PLEKHH2: variants seen among roughly 807,000 people sequenced by gnomAD.
The protein encoded by PLEKHH2 is pleckstrin homology domain-containing family H member 2.
A neutral mutation model predicts 187.9 loss-of-function variants in PLEKHH2; 129 were observed. That is an observed-to-expected ratio of 0.69 (90% CI 0.59 to 0.79). The LOEUF (loss-of-function observed/expected upper bound fraction) is 0.79, where lower values mean the gene tolerates loss of function less well. Ranked by LOEUF, PLEKHH2 falls within the 30% of genes least tolerant of loss-of-function variation. The pLI, the probability that PLEKHH2 is intolerant of heterozygous loss-of-function variation, is 0.00. For missense variants in PLEKHH2, 2,076 were observed against 1,751.2 expected (o/e 1.19, Z -3.31); for synonymous variants, 686 against 605.6 (o/e 1.13, Z -1.95).
At position 43,694,438 on chromosome 2, in the gene PLEKHH2, T is replaced by C; in HGVS notation, c.344T>C (p.Ile115Thr). The change falls in exon 5 of 30, where the codon ATA becomes ACA. Residue 115 changes from isoleucine to threonine, a missense_variant. Physicochemically the swap from Ile to Thr is moderately conservative, Grantham distance 89 (BLOSUM62 -1). Transcript: ENST00000282406. ...LELQLEEQKQ[I>T]RIQEAKIIEE... The stretch of plus-strand genomic sequence containing the variant: ...TTGCTATTGTTATTTCAGAAACAAA[T>C]AAGAATACAAGAAGCTAAAATAATA... 2 of 1,556,396 alleles carry C rather than the reference T, an allele frequency of 1.3e-6. No homozygotes were observed. The highest frequency in any genetic ancestry group is 1.7e-6 in the Non-Finnish European group (2 of 1,145,106).
intron 6 of PLEKHH2, 100 bp from the exon 7 acceptor site, chr2:43,697,071 C>T: frequency 1.0e-6 from 1 of 962,152 alleles, no homozygotes; most frequent in Non-Finnish European, 1.5e-6. Context: ...TTTTTTCTGG[C>T]ATAAAGAGTG....
intron 20 of PLEKHH2, 45 bp downstream of exon 20, chr2:43,738,565 T>C: frequency 6.7e-7 from 1 of 1,502,198 alleles, no homozygotes; most frequent in Non-Finnish European, 9.0e-7. Flanking sequence ...TAAAGTGTTT[T>C]TTTTTCTGAT....
chr2:43,716,167 G>A (rs116776252), intron 15 of PLEKHH2, among the ~76,000 whole-genome samples: 2,390 of 152,094 alleles, frequency 0.016, 21 homozygotes, highest in Non-Finnish European at 0.024. Flanking sequence ...TTTTTAGGGT[G>A]GAAAAGATGT....
chr2:43,653,563 G>A (rs150311877), intron 2 of PLEKHH2, among the ~76,000 whole-genome samples: 2 of 152,316 alleles, frequency 1.3e-5, no homozygotes, highest in African/African-American at 4.8e-5. Context: ...AACCAAGAAC[G>A]AGGAAGGCAT....
At chr2:43,764,107 TTTTG>T in intron 28 of PLEKHH2, 117 bp from the exon 29 acceptor site, 1 of 556,612 alleles carries the variant, frequency 1.8e-6, no homozygotes, top group Non-Finnish European at 2.8e-6. Context: ...TAGAAAATAA[TTTTG>T]TATTATACCA....
At chr2:43,690,992 A>T (rs528360639) in intron 3 of PLEKHH2, among the ~76,000 whole-genome samples, 8 of 152,364 alleles carry the variant, frequency 5.3e-5, no homozygotes, top group Non-Finnish European at 1.0e-4. Context: ...CAATATGCAG[A>T]TATGCCTTTC....
Position 43,726,234 on chromosome 2 carries a change from G to T in PLEKHH2, c.2542-38G>T, listed in dbSNP as rs1452590348. 4 of 1,428,004 alleles carry T rather than the reference G, an allele frequency of 2.8e-6. No individual in the cohort carries two copies. The African/African-American group carries it at 5.7e-5, about 20-fold the overall frequency. 88.5% of individuals were successfully genotyped at this position (1,428,004 alleles called of 1,614,324 possible). A position where few individuals can be genotyped will look rare whatever the true frequency, so the allele number is the denominator to read the frequency against. On this transcript the variant is annotated intron_variant, in intron 16 of 29. Transcript: ENST00000282406. ...AAATGTTTTAGTAGGAAAAGATTTA[G>T]AAAATGCCTTCCTCACAATTACTAA... is the stretch of plus-strand genomic sequence containing the variant.
Position 43,704,056 on chromosome 2 carries a change from A to G in PLEKHH2, c.1726A>G (p.Asn576Asp). The G allele has an allele frequency of 3.1e-6, 5 of 1,590,992 alleles. No homozygotes were observed. The highest frequency in any genetic ancestry group is 4.3e-6 in the Non-Finnish European group (5 of 1,160,742). ...EAFNMESVNK[N>D]SAATLSYTTS... The stretch of plus-strand genomic sequence containing the variant: ...CTTCAATATGGAGAGTGTTAATAAA[A>G]GTAAGTGCTTTTTCATGCTGCCACC... Residue 576 changes from asparagine (N) to aspartate (D), a missense_variant and splice_region_variant, in exon 9 of 30, where the codon AAT becomes GAT. By Grantham distance (23) the Asn-to-Asp change is conservative (BLOSUM62 1). Transcript: ENST00000282406.
In PLEKHH2 at chr2:43,707,403, G is replaced by T; in HGVS notation, c.1824G>T (p.Lys608Asn). The change falls in exon 11 of 30, where the codon AAG becomes AAT. Residue 608 changes from lysine (K) to asparagine (N), a missense_variant and splice_region_variant. Coordinates refer to ENST00000282406, the MANE Select transcript of PLEKHH2 (RefSeq NM_172069.4). The stretch of plus-strand genomic sequence containing the variant: ...GAGGTTGTTCCACTTTTCTTTAGAA[G>T]GCGACCCAAATAAGTAGCAGCCCTT... ...TTPVYTTLKG[K>N]ATQISSSPFL... is the part of the protein sequence containing the mutation. 6.2e-7 allele frequency: 1 copy of T among 1,613,928 alleles called. No individual in the cohort carries two copies. Among genetic ancestry groups the T allele is most frequent in the Non-Finnish European group, 8.5e-7 (1 of 1,179,958 alleles).
At chr2:43,658,929 T>C (rs1268527241) in intron 2 of PLEKHH2, 2 of 151,960 alleles carry the variant, frequency 1.3e-5, no homozygotes, top group Admixed American at 1.3e-4. Context: ...GTTTTTTCTT[T>C]CAGTGACTAT....
intron 9 of PLEKHH2, among the ~76,000 whole-genome samples, chr2:43,704,573 G>A (rs1338814615): frequency 6.6e-6 from 1 of 151,134 alleles, no homozygotes. Context: ...TGAGGCAGGA[G>A]GATGGCGTGA....
In PLEKHH2 at chr2:43,745,929, G is replaced by A; in HGVS notation, c.3619G>A (p.Gly1207Ser). ...SKEQQPGKCE[G>S]TRTVRLTYKN... The stretch of plus-strand genomic sequence containing the variant: ...AGAACAGCAGCCTGGAAAATGTGAA[G>A]GTACAAGGACTGTTCGTCTGACATA... Residue 1207 changes from glycine to serine, a missense_variant, in exon 24 of 30, where the codon GGT becomes AGT. Transcript: ENST00000282406. 1.9e-6 allele frequency: 3 copies of A among 1,612,862 alleles called. No homozygotes were observed. The highest frequency in any genetic ancestry group is 2.7e-5 in the African/African-American group (2 of 74,984).
At chr2:43,733,957 C>G (rs758694917) in intron 19 of PLEKHH2, among the ~76,000 whole-genome samples, 13 of 152,012 alleles carry the variant, frequency 8.6e-5, no homozygotes, top group Non-Finnish European at 1.9e-4. Flanking sequence ...ATATAAATGA[C>G]CAAAATTGAT....
chr2:43,730,283 T>C (rs1415257206), intron 18 of PLEKHH2, among the ~76,000 whole-genome samples: 1 of 152,218 alleles, frequency 6.6e-6, no homozygotes, highest in Non-Finnish European at 1.5e-5. Flanking sequence ...GTTTTTAAGC[T>C]CATCAGCTAT....
At chr2:43,685,878 A>G (rs1288828305) in intron 3 of PLEKHH2, among the ~76,000 whole-genome samples, 1 of 152,244 alleles carries the variant, frequency 6.6e-6, no homozygotes, top group East Asian at 1.9e-4. Context: ...GACATATGGG[A>G]TTCATTCCCA....
rs372873953 is a variant in PLEKHH2, at chr2:43,710,364, T to C, written c.2214+34T>C. The C allele has an allele frequency of 1.7e-5, 27 of 1,599,714 alleles. No individual in the cohort carries two copies. In the African/African-American group the frequency reaches 3.5e-4, roughly 21 times the overall value. ...AAAGTGTTTTCTGTTTAGAACGTAA[T>C]TCCTCAAACTATAAATCAGACGCCT... On this transcript the variant is annotated intron_variant, in intron 13 of 29. Coordinates refer to ENST00000282406, the MANE Select transcript of PLEKHH2 (RefSeq NM_172069.4).
In PLEKHH2 at chr2:43,700,293, T is replaced by A; in HGVS notation, c.1335T>A (p.Asn445Lys). The change falls in exon 8 of 30, where the codon AAT (asparagine) becomes AAA (lysine). Residue 445 changes from asparagine to lysine, a missense_variant. Transcript: ENST00000282406. ...CACCCCCAAAGTTAAGGATTCCTAA[T>A]GTTTTCAGTATAAGTGTAGCACTAG... is the stretch of plus-strand genomic sequence containing the variant. ...HLPPPKLRIP[N>K]VFSISVALAK... 1 of 1,614,162 alleles carries A rather than the reference T, an allele frequency of 6.2e-7. No individual in the cohort carries two copies. Among genetic ancestry groups the A allele is most frequent in the Non-Finnish European group, 8.5e-7 (1 of 1,180,008 alleles).
chr2:43,700,441 G>A lies in PLEKHH2; in HGVS notation c.1483G>A (p.Asp495Asn). 1 of 1,614,080 alleles carries A rather than the reference G, an allele frequency of 6.2e-7. No individual in the cohort carries two copies. Among genetic ancestry groups the A allele is most frequent in the Non-Finnish European group, 8.5e-7 (1 of 1,179,998 alleles). The change falls in exon 8 of 30, where the codon GAC becomes AAC. Residue 495 changes from aspartate to asparagine, a missense_variant. Transcript: ENST00000282406. ...AACTGATCTTGATCTAGTTGATGGAGACAGTACAGAAGTTTTAGAGAATAT... is the reference window on the plus strand; with the variant it reads ...AACTGATCTTGATCTAGTTGATGGAAACAGTACAGAAGTTTTAGAGAATAT... ...QETDLDLVDG[D>N]STEVLENMDT...
chr2:43,684,983 A>T (rs1668429920), intron 3 of PLEKHH2, among the ~76,000 whole-genome samples: 1 of 152,242 alleles, frequency 6.6e-6, no homozygotes, highest in African/African-American at 2.4e-5. Flanking sequence ...TTCATAATCT[A>T]AAAGTCGACA....
Sources: gnomAD v4.1 joint callset for allele counts (sites outside exome capture counted in the v4.1 genomes callset) on GRCh38, gnomAD v4.1.1 for gene constraint, MANE v1.5 for transcripts, NCBI Gene and HGNC (gene_info 2026-07-23, HGNC 2026-07-21) for gene names.